The following DPYD variants were observed in gnomAD, a reference collection of about 807,000 sequenced individuals.
DPYD encodes the protein dihydropyrimidine dehydrogenase, also known as dihydropyrimidine dehydrogenase [NADP(+)].
DPYD carries 109 observed loss-of-function variants against 116.2 expected under a neutral mutation model. The observed-to-expected ratio is 0.94, with a 90% CI of 0.80 to 1.10. The LOEUF is 1.10. Among genes scored for constraint, DPYD ranks in the 50% least tolerant of loss-of-function variants. The pLI, the probability that DPYD is intolerant of heterozygous loss-of-function variation, is 0.00. For synonymous variants in DPYD, 440 were observed against 432.0 expected, an observed-to-expected ratio of 1.02 and a Z score of -0.23; for missense variants, 1,302 against 1,254.5, an observed-to-expected ratio of 1.04 and a Z score of -0.57.
chr1:97,122,774 T>TA (rs1041332975), intron 20 of DPYD, among the ~76,000 whole-genome samples: 6 of 152,104 alleles, frequency 3.9e-5, no homozygotes, highest in Non-Finnish European at 7.4e-5. Flanking sequence ...TCCCTTCAGT[T>TA]AAAAAAAGAA....
At chr1:97,637,499 T>C (rs969920939) in intron 8 of DPYD, among the ~76,000 whole-genome samples, 3 of 150,030 alleles carry the variant, frequency 2.0e-5, no homozygotes, top group South Asian at 2.1e-4. Context: ...GGAAAAGTTT[T>C]CCCCCCCTCA....
chr1:97,890,881 T>C (rs1367891263), intron 1 of DPYD, among the ~76,000 whole-genome samples: 1 of 151,996 alleles, frequency 6.6e-6, no homozygotes, highest in Non-Finnish European at 1.5e-5. Context: ...TGTAATTTAT[T>C]GGCTACTTAT....
intron 8 of DPYD, among the ~76,000 whole-genome samples, chr1:97,596,031 T>C (rs1654855245): frequency 6.6e-6 from 1 of 152,028 alleles, no homozygotes; most frequent in African/African-American, 2.4e-5. Flanking sequence ...AAGAAAATAC[T>C]GACACATGCA....
chr1:97,771,290 T>G (rs916429291), intron 3 of DPYD, among the ~76,000 whole-genome samples: 3 of 152,178 alleles, frequency 2.0e-5, no homozygotes, highest in African/African-American at 7.2e-5. Flanking sequence ...AAAATATTAA[T>G]TTTGGAAAGT....
At chr1:97,721,775 T>A (rs1257816512) in intron 4 of DPYD, 104 bp from the exon 5 acceptor site, 2 of 1,101,364 alleles carry the variant, frequency 1.8e-6, no homozygotes, top group African/African-American at 1.6e-5. Context: ...AGATTGAAGA[T>A]AATGATGTGT....
At chr1:97,790,346 C>T (rs1247307817) in intron 3 of DPYD, among the ~76,000 whole-genome samples, 1 of 152,100 alleles carries the variant, frequency 6.6e-6, no homozygotes, top group Non-Finnish European at 1.5e-5. Context: ...AGGAATGATA[C>T]TAATATTTTA....
intron 14 of DPYD, among the ~76,000 whole-genome samples, chr1:97,439,364 G>A (rs1274844592): frequency 6.6e-6 from 1 of 152,118 alleles, no homozygotes; most frequent in African/African-American, 2.4e-5. Flanking sequence ...GTAGTTTAGC[G>A]AATCTACTTG....
At chr1:97,775,871 A>G (rs1455565498) in intron 3 of DPYD, among the ~76,000 whole-genome samples, 2 of 152,200 alleles carry the variant, frequency 1.3e-5, no homozygotes, top group African/African-American at 4.8e-5. Context: ...AGTTTGTCTC[A>G]CATTACTGTA....
At chr1:97,749,711 TTTTAA>T (rs1436504754) in intron 3 of DPYD, among the ~76,000 whole-genome samples, 3 of 152,280 alleles carry the variant, frequency 2.0e-5, no homozygotes, top group African/African-American at 7.2e-5. Flanking sequence ...TAGTTACCAT[TTTTAA>T]TTTAACAATA....
chr1:97,146,965 T>C (rs974939949), intron 20 of DPYD, among the ~76,000 whole-genome samples: 3 of 152,094 alleles, frequency 2.0e-5, no homozygotes, highest in Non-Finnish European at 4.4e-5. Context: ...CATGAGCCAA[T>C]GTATTGAGGC....
At chr1:97,755,841 T>C (rs1261694234) in intron 3 of DPYD, among the ~76,000 whole-genome samples, 1 of 152,178 alleles carries the variant, frequency 6.6e-6, no homozygotes, top group Non-Finnish European at 1.5e-5. Context: ...ATGTGGAACA[T>C]TTGGAACAGT....
At chr1:97,863,000 T>C (rs375414868) in intron 2 of DPYD, among the ~76,000 whole-genome samples, 3 of 152,070 alleles carry the variant, frequency 2.0e-5, no homozygotes, top group African/African-American at 4.8e-5. Context: ...AAAATGTTTA[T>C]ACCCAAGACC....
At chr1:97,700,167 C>T (rs1242537897) in intron 5 of DPYD, 1 of 453,648 alleles carries the variant, frequency 2.2e-6, no homozygotes, top group Non-Finnish European at 4.4e-6. Flanking sequence ...CACTTTTCCC[C>T]TGAGGGATTT....
intron 14 of DPYD, among the ~76,000 whole-genome samples, chr1:97,404,179 A>C (rs1005255565): frequency 1.3e-5 from 2 of 151,952 alleles, no homozygotes; most frequent in Admixed American, 1.3e-4. Flanking sequence ...CTGTCCTTTT[A>C]AAATTTAAGG....
chr1:97,547,199 A>T (rs1273464508), intron 12 of DPYD, among the ~76,000 whole-genome samples: 1 of 152,150 alleles, frequency 6.6e-6, no homozygotes, highest in Admixed American at 6.5e-5. Context: ...TTCATCTGCA[A>T]ATGATAATAA....
At chr1:97,079,597 T>C (rs1649014280) in intron 22 of DPYD, among the ~76,000 whole-genome samples, 1 of 152,162 alleles carries the variant, frequency 6.6e-6, no homozygotes. Flanking sequence ...ATACATTTGT[T>C]TGGATTTCAA....
At chr1:97,591,579 C>T (rs1037883544) in intron 10 of DPYD, among the ~76,000 whole-genome samples, 9 of 152,166 alleles carry the variant, frequency 5.9e-5, no homozygotes, top group Non-Finnish European at 1.0e-4. Flanking sequence ...AAATAACCAC[C>T]ATTCATTTCC....
At chr1:97,274,923 G>T (rs1664839803) in intron 18 of DPYD, among the ~76,000 whole-genome samples, 1 of 152,146 alleles carries the variant, frequency 6.6e-6, no homozygotes, top group Non-Finnish European at 1.5e-5. Flanking sequence ...GAGATGCACA[G>T]GATGCATAAG....
At chr1:97,871,907 A>C (rs1371940789) in intron 2 of DPYD, among the ~76,000 whole-genome samples, 1 of 151,860 alleles carries the variant, frequency 6.6e-6, no homozygotes, top group Non-Finnish European at 1.5e-5. Context: ...TAATACTTAC[A>C]TAAGGTTATA....
Sources: allele counts gnomAD v4.1 joint callset (sites outside exome capture counted in the v4.1 genomes callset), GRCh38; gene constraint gnomAD v4.1.1; transcripts MANE v1.5; gene names NCBI Gene and HGNC (gene_info 2026-07-23, HGNC 2026-07-21).